NFX1: variants seen among roughly 807,000 people sequenced by gnomAD.
The protein encoded by NFX1 is transcriptional repressor NF-X1.
A neutral mutation model predicts 137.2 loss-of-function variants in NFX1; 69 were observed. The observed-to-expected ratio is 0.50, with a 90% CI of 0.41 to 0.61. The LOEUF is 0.61. Ranked by LOEUF, NFX1 falls within the 20% of genes least tolerant of loss-of-function variation. NFX1 has a pLI of 0.00. For synonymous variants in NFX1, 495 were observed against 474.1 expected (o/e 1.04, Z -0.57); for missense variants, 1,167 against 1,391.0 (o/e 0.84, Z 2.56).
At chr9:33,363,745 C>G (rs1461379953) in intron 19 of NFX1, among the ~76,000 whole-genome samples, 3 of 152,116 alleles carry the variant, frequency 2.0e-5, no homozygotes, top group African/African-American at 7.2e-5. Flanking sequence ...ATCCCACACC[C>G]CCAAACTCCT....
intron 19 of NFX1, among the ~76,000 whole-genome samples, chr9:33,362,064 TG>T (rs1440208192): frequency 6.9e-6 from 1 of 145,368 alleles, no homozygotes; most frequent in African/African-American, 2.6e-5. Flanking sequence ...GAAGTTACAG[TG>T]AGCTGAGATC....
intron 3 of NFX1, 111 bp downstream of exon 3, chr9:33,301,532 C>CA: frequency 8.5e-7 from 1 of 1,176,212 alleles, no homozygotes; most frequent in Non-Finnish European, 1.2e-6. Context: ...ACTTTTTCTG[C>CA]AGGGAGAGTA....
intron 4 of NFX1, among the ~76,000 whole-genome samples, chr9:33,306,246 T>A (rs1821748710): frequency 6.6e-6 from 1 of 152,170 alleles, no homozygotes; most frequent in African/African-American, 2.4e-5. Context: ...CTGTAGTTTT[T>A]GAGCGTGTGT....
At chr9:33,361,384 A>C (rs1823982341) in intron 19 of NFX1, among the ~76,000 whole-genome samples, 1 of 152,168 alleles carries the variant, frequency 6.6e-6, no homozygotes, top group Non-Finnish European at 1.5e-5. Flanking sequence ...ACATTGTGGA[A>C]TGGCTAAATC....
At chr9:33,357,438 G>T (rs1823848793) in intron 19 of NFX1, among the ~76,000 whole-genome samples, 1 of 151,818 alleles carries the variant, frequency 6.6e-6, no homozygotes, top group East Asian at 1.9e-4. Flanking sequence ...TTAATATCTG[G>T]TAGTATATAT....
chr9:33,296,145 T>G (rs1821346723), intron 2 of NFX1, among the ~76,000 whole-genome samples: 1 of 152,150 alleles, frequency 6.6e-6, no homozygotes, highest in Non-Finnish European at 1.5e-5. Flanking sequence ...CAGGCTAGTC[T>G]CAAACTTCTG....
intron 7 of NFX1, among the ~76,000 whole-genome samples, chr9:33,314,608 C>T (rs906611936): frequency 1.3e-5 from 2 of 152,102 alleles, no homozygotes; most frequent in South Asian, 4.2e-4. Context: ...ACCCGGGAGG[C>T]GGAGGTTGCA....
chr9:33,317,063 C>A (rs1329805296), intron 7 of NFX1, among the ~76,000 whole-genome samples: 2 of 152,138 alleles, frequency 1.3e-5, no homozygotes, highest in Admixed American at 6.5e-5. Context: ...TTTTCTGAAT[C>A]TTTATTAATT....
At position 33,352,694 on chromosome 9, in the gene NFX1, T is replaced by C; in HGVS notation, c.2704T>C (p.Ser902Pro). 1 of 1,614,144 alleles carries C rather than the reference T, an allele frequency of 6.2e-7. No individual in the cohort carries two copies. The highest frequency in any genetic ancestry group is 8.5e-7 in the Non-Finnish European group (1 of 1,179,958). The change falls in exon 17 of 24, where the codon TCT (serine) becomes CCT (proline). Residue 902 changes from serine to proline, a missense_variant. This residue lies in a region of NFX1 where 312 missense variants were observed against 312.8 expected (regional missense o/e 1.00). Transcript: ENST00000379540. ...CGRRKEMVIC[S>P]EASSTYQRIA... ...ACGAAGAAAAGAGATGGTGATTTGC[T>C]CTGAAGCATCTAGTACTTATCAAAG... is the stretch of plus-strand genomic sequence containing the variant.
intron 5 of NFX1, among the ~76,000 whole-genome samples, chr9:33,308,716 T>C (rs1821851608): frequency 6.6e-6 from 1 of 152,234 alleles, no homozygotes; most frequent in African/African-American, 2.4e-5. Flanking sequence ...TTAGTGCATC[T>C]ATGCGGCTCG....
intron 19 of NFX1, 22 bp from the exon 20 acceptor site, chr9:33,363,988 C>A (rs1282016270): frequency 1.3e-6 from 2 of 1,512,272 alleles, no homozygotes; most frequent in Non-Finnish European, 1.8e-6. Context: ...CTTTTATTTG[C>A]ATACCTCTCT....
intron 1 of NFX1, among the ~76,000 whole-genome samples, chr9:33,294,168 T>G (rs912013887): frequency 1.3e-5 from 2 of 152,228 alleles, no homozygotes; most frequent in Admixed American, 6.5e-5. Context: ...ATGGCCCAGG[T>G]GAGCATTTTT....
intron 12 of NFX1, among the ~76,000 whole-genome samples, chr9:33,340,118 T>C (rs1260577798): frequency 6.6e-6 from 1 of 152,256 alleles, no homozygotes; most frequent in Non-Finnish European, 1.5e-5. Context: ...GTGTGGGGGC[T>C]GCAACCCCAC....
intron 6 of NFX1, among the ~76,000 whole-genome samples, chr9:33,313,189 A>G (rs777724789): frequency 2.6e-5 from 4 of 152,186 alleles, no homozygotes; most frequent in Non-Finnish European, 5.9e-5. Context: ...GAACTCAGAG[A>G]TGAAATCACA....
chr9:33,364,250 G>T, intron 20 of NFX1, 142 bp downstream of exon 20: 1 of 554,462 alleles, frequency 1.8e-6, no homozygotes, highest in Non-Finnish European at 3.1e-6. Flanking sequence ...ATTATGTGCT[G>T]TTTAATAAAT....
At chr9:33,292,286 G>A (rs577959624) in intron 1 of NFX1, among the ~76,000 whole-genome samples, 2 of 152,224 alleles carry the variant, frequency 1.3e-5, no homozygotes, top group South Asian at 2.1e-4. Flanking sequence ...TTCCATGTTC[G>A]TATTTTAGCA....
chr9:33,329,738 A>T (rs1687733845), intron 10 of NFX1, among the ~76,000 whole-genome samples: 1 of 151,772 alleles, frequency 6.6e-6, no homozygotes, highest in African/African-American at 2.4e-5. Context: ...GGCTCACTGC[A>T]GCCTCCACCT....
intron 1 of NFX1, 92 bp downstream of exon 1, chr9:33,290,689 C>G: frequency 7.5e-7 from 1 of 1,327,742 alleles, no homozygotes; most frequent in Non-Finnish European, 1.0e-6. Context: ...ACTCATATCG[C>G]GAGAGTAGCA....
intron 9 of NFX1, among the ~76,000 whole-genome samples, chr9:33,323,064 G>A (rs1822444689): frequency 6.6e-6 from 1 of 152,208 alleles, no homozygotes; most frequent in South Asian, 2.1e-4. Flanking sequence ...TTGAGACTGA[G>A]CGTAATCCAA....
Sources: allele counts gnomAD v4.1 joint callset (sites outside exome capture counted in the v4.1 genomes callset), GRCh38; gene constraint gnomAD v4.1.1; regional missense constraint gnomAD v4.1.1; transcripts MANE v1.5; gene names NCBI Gene and HGNC (gene_info 2026-07-23, HGNC 2026-07-21).